Variants in ENOX2 observed in about 807,000 individuals in gnomAD.
ENOX2 encodes ecto-NOX disulfide-thiol exchanger 2.
In ENOX2, 36 loss-of-function variants were observed where a neutral mutation model predicts 45.0. That is an observed-to-expected ratio of 0.80 (90% CI 0.61 to 1.06). ENOX2 has a LOEUF of 1.06. Ranked by LOEUF, ENOX2 falls within the 50% of genes least tolerant of loss-of-function variation. The pLI, the probability that ENOX2 is intolerant of heterozygous loss-of-function variation, is 0.00. For synonymous variants in ENOX2, 174 were observed against 152.3 expected (o/e 1.14, Z -1.05); for missense variants, 423 against 462.5 (o/e 0.91, Z 0.78).
chrX:130,781,403 T>C lies in ENOX2; in HGVS notation c.-39+2144A>G, dbSNP rs141215874. On this transcript the variant is annotated intron_variant, in intron 3 of 14. Transcript: ENST00000394363. ...TGAATGCAAATTGTTCTGCTAATTA[T>C]AGATTAGCATAATCTACTGTTAAAA... Among the ~76,000 whole-genome samples the C allele has an allele frequency of 2.6e-4, 29 of 112,633 alleles. No individual in the cohort carries two copies. The East Asian group carries it at 5.9e-3, about 23-fold the overall frequency.
At chrX:130,669,650 C>T (rs1488124716) in intron 7 of ENOX2, among the ~76,000 whole-genome samples, 2 of 112,053 alleles carry the variant, frequency 1.8e-5, no homozygotes, top group Non-Finnish European at 3.8e-5. Flanking sequence ...TTACAGGTCC[C>T]AAGTCATAGA....
intron 3 of ENOX2, among the ~76,000 whole-genome samples, chrX:130,762,155 C>T (rs1476192573): frequency 3.6e-5 from 4 of 112,091 alleles, no homozygotes; most frequent in Non-Finnish European, 7.5e-5. Context: ...TAGATTAATT[C>T]ATTTGAGACT....
chrX:130,756,545 T>C (rs1317218698), intron 3 of ENOX2, among the ~76,000 whole-genome samples: 1 of 112,216 alleles, frequency 8.9e-6, no homozygotes, highest in African/African-American at 3.2e-5. Flanking sequence ...TACTTGACTT[T>C]TGATATTCAC....
At chrX:130,759,094 G>GT (rs1332840625) in intron 3 of ENOX2, among the ~76,000 whole-genome samples, 1 of 111,061 alleles carries the variant, frequency 9.0e-6, no homozygotes, top group Non-Finnish European at 1.9e-5. Context: ...TATGGACTGT[G>GT]TTTTTGGTGT....
chrX:130,831,018 T>C (rs1054801345), intron 2 of ENOX2, among the ~76,000 whole-genome samples: 1 of 111,928 alleles, frequency 8.9e-6, no homozygotes, highest in African/African-American at 3.2e-5. Context: ...GCCTTCATGC[T>C]ACATCATAAC....
chrX:130,719,893 A>C (rs1248411238), intron 3 of ENOX2, among the ~76,000 whole-genome samples: 1 of 112,221 alleles, frequency 8.9e-6, no homozygotes, highest in East Asian at 2.8e-4. Context: ...GAATAAAAAC[A>C]ATACTATAAT....
chrX:130,852,150 A>C (rs756121882), intron 2 of ENOX2, among the ~76,000 whole-genome samples: 52 of 112,330 alleles, frequency 4.6e-4, no homozygotes, highest in Non-Finnish European at 6.8e-4. Context: ...TTTTGGCCTA[A>C]GTTTGGTGTA....
rs1340839425 is a variant in ENOX2, at chrX:130,667,618, G to A, written c.819C>T (p.Arg273=). ...MIQSANSHVR[R]LVNEKAAHEK... The stretch of plus-strand genomic sequence containing the variant: ...CATGGGCAGCTTTCTCGTTCACCAG[G>A]CGGCGGACATGGCTGTTGGCCGACT... Residue 273 remains arginine (R), a synonymous_variant, in exon 8 of 15, where the codon CGC becomes CGT. Coordinates refer to ENST00000394363, the MANE Select transcript of ENOX2 (RefSeq NM_006375.4). 8.3e-7 allele frequency: 1 copy of A among 1,211,416 alleles called. No individual in the cohort carries two copies. Among genetic ancestry groups the A allele is most frequent in the East Asian group, 3.0e-5 (1 of 33,859 alleles).
chrX:130,647,978 T>C (rs2036285306), intron 10 of ENOX2, among the ~76,000 whole-genome samples: 1 of 111,746 alleles, frequency 8.9e-6, no homozygotes, highest in Non-Finnish European at 1.9e-5. Context: ...TTTCAGATTC[T>C]GTGTGTTTGC....
At chrX:130,755,438 G>A (rs1383502539) in intron 3 of ENOX2, among the ~76,000 whole-genome samples, 2 of 111,185 alleles carry the variant, frequency 1.8e-5, no homozygotes, top group Non-Finnish European at 3.8e-5. Context: ...ACTGGAATCA[G>A]GAGAGCTATG....
At position 130,658,403 on chromosome X, in the gene ENOX2, A is replaced by C. The variant is rs781659895; in HGVS notation, c.1015-1708T>G. On this transcript the variant is annotated intron_variant, in intron 9 of 14. Coordinates refer to ENST00000394363, the MANE Select transcript of ENOX2 (RefSeq NM_006375.4). ...GAGCCTTGGGACCTTGTGAGATTAC[A>C]AAGATCTAAGATACATGTAAATAAA... Among the ~76,000 whole-genome samples, 388 of 112,166 alleles carry C rather than the reference A, an allele frequency of 3.5e-3. 2 individuals carry two copies. Among genetic ancestry groups the C allele is most frequent in the African/African-American group, 0.012 (374 of 31,006 alleles).
intron 2 of ENOX2, among the ~76,000 whole-genome samples, chrX:130,877,179 T>C (rs1253254083): frequency 2.7e-5 from 3 of 111,794 alleles, no homozygotes; most frequent in South Asian, 3.7e-4. Flanking sequence ...TAAGTCCCAA[T>C]AGTCGTATTA....
chrX:130,730,329 T>C (rs1481196807), intron 3 of ENOX2, among the ~76,000 whole-genome samples: 2 of 112,428 alleles, frequency 1.8e-5, no homozygotes, highest in African/African-American at 6.5e-5. Context: ...AAGAAGACCA[T>C]TGATATTAAC....
At chrX:130,759,364 G>A (rs368721485) in intron 3 of ENOX2, among the ~76,000 whole-genome samples, 11 of 109,096 alleles carry the variant, frequency 1.0e-4, no homozygotes, top group African/African-American at 3.7e-4. Flanking sequence ...GGCCGAGGCG[G>A]TTGGACCAGC....
chrX:130,880,560 A>G (rs2078791741), intron 2 of ENOX2, among the ~76,000 whole-genome samples: 1 of 112,599 alleles, frequency 8.9e-6, no homozygotes, highest in South Asian at 3.6e-4. Flanking sequence ...GGAATATACT[A>G]CTGGTTCAAA....
chrX:130,779,834 A>G (rs752552202), intron 3 of ENOX2, among the ~76,000 whole-genome samples: 1 of 111,640 alleles, frequency 9.0e-6, no homozygotes, highest in Non-Finnish European at 1.9e-5. Flanking sequence ...TAAGGCATAT[A>G]TATATATACA....
intron 2 of ENOX2, among the ~76,000 whole-genome samples, chrX:130,849,689 T>A (rs1226710020): frequency 8.9e-6 from 1 of 112,103 alleles, no homozygotes; most frequent in Non-Finnish European, 1.9e-5. Flanking sequence ...AATTAGAAGA[T>A]TTAGGTTTTA....
rs764832088 is a variant in ENOX2 at position 130,695,732 on chromosome X, A to G, written c.98-6714T>C. ...TTATTGTTATTTCTTTACAGTTCCTACAAAATTCATTGGAAAATTAAGAAT... is the reference window on the plus strand; with the variant it reads ...TTATTGTTATTTCTTTACAGTTCCTGCAAAATTCATTGGAAAATTAAGAAT... On this transcript the variant is annotated intron_variant, in intron 4 of 14. Coordinates refer to ENST00000394363, the MANE Select transcript of ENOX2 (RefSeq NM_006375.4). 1.1e-3 allele frequency among the ~76,000 whole-genome samples: 125 copies of G among 112,360 alleles called. 1 individual carries two copies. Among genetic ancestry groups the G allele is most frequent in the African/African-American group, 3.9e-3 (121 of 30,984 alleles).
rs755704637 is a variant in ENOX2, at chrX:130,631,860, A to G, written c.1420-284T>C. 3.5e-3 allele frequency among the ~76,000 whole-genome samples: 371 copies of G among 107,175 alleles called. 3 individuals carry two copies. Among genetic ancestry groups the G allele is most frequent in the African/African-American group, 0.012 (350 of 29,218 alleles). The allele number at this position is 107,175 out of a possible 115,157, so 93.1% of individuals were successfully genotyped here. A position where few individuals can be genotyped will look rare whatever the true frequency, so the allele number is the denominator to read the frequency against. ...TGACTTTATACAAGCAATCTGGGCA[A>G]CTAGACCCAACATTTATGGTATACT... is the stretch of plus-strand genomic sequence containing the variant. On this transcript the variant is annotated intron_variant, in intron 12 of 14. Transcript: ENST00000394363.
Sources: gnomAD v4.1 joint callset for allele counts (sites outside exome capture counted in the v4.1 genomes callset) on GRCh38, gnomAD v4.1.1 for gene constraint, MANE v1.5 for transcripts, NCBI Gene and HGNC (gene_info 2026-07-23, HGNC 2026-07-21) for gene names.